The following ARHGAP21 variants were observed in gnomAD, a reference collection of about 807,000 sequenced individuals.
The protein encoded by ARHGAP21 is rho GTPase-activating protein 21.
In ARHGAP21, 38 loss-of-function variants were observed where a neutral mutation model predicts 164.6. The ratio of observed to expected loss-of-function variants is 0.23; its 90% confidence interval spans 0.18 to 0.30. ARHGAP21 has a LOEUF of 0.30. ARHGAP21 is among the 10% of genes least tolerant of loss of function. ARHGAP21 has a pLI of 1.00. For synonymous variants in ARHGAP21, 766 were observed against 857.9 expected (o/e 0.89, Z 1.87); for missense variants, 1,822 against 2,370.7 (o/e 0.77, Z 4.81).
intron 17 of ARHGAP21, 55 bp from the exon 18 acceptor site, chr10:24,596,098 G>T: frequency 1.4e-6 from 2 of 1,424,694 alleles, no homozygotes; most frequent in South Asian, 1.4e-5. Flanking sequence ...TTTAGTAGTT[G>T]TATATCACAG....
intron 2 of ARHGAP21, among the ~76,000 whole-genome samples, chr10:24,708,505 G>A (rs568057907): frequency 2.6e-4 from 40 of 152,172 alleles, no homozygotes; most frequent in Admixed American, 1.2e-3. Context: ...TGGTCAAGTT[G>A]GCTTTTCGTA....
Position 24,619,978 on chromosome 10 carries a change from G to A in ARHGAP21, c.1917C>T (p.Ser639=), listed in dbSNP as rs1416340154. 1 of 1,613,870 alleles carries A rather than the reference G, an allele frequency of 6.2e-7. No homozygotes were observed. Among genetic ancestry groups the A allele is most frequent in the African/African-American group, 1.3e-5 (1 of 74,910 alleles). Residue 639 remains serine (S), a synonymous_variant, in exon 9 of 26, where the codon AGC becomes AGT. Transcript: ENST00000396432. ...CTTTGATAGAAACAAATGATTTCTG[G>A]CTAAATGATGGTTTTGTGACATGCG... is the stretch of plus-strand genomic sequence containing the variant. ...PSTHVTKPSF[S]QKSFVSIKDQ...
Position 24,584,388 on chromosome 10 carries a change from T to G in ARHGAP21, c.*24A>C. The G allele has an allele frequency of 1.3e-6, 2 of 1,548,592 alleles. No individual in the cohort carries two copies. The highest frequency in any genetic ancestry group is 1.8e-4 in the Middle Eastern group (1 of 5,584). On this transcript the variant is annotated 3_prime_UTR_variant, in exon 26 of 26. Transcript: ENST00000396432. ...AACGTGTAACAGTAGTTTTTTTACT[T>G]GCTAGAGTGGACATACCCCCAGTTT...
At chr10:24,626,380 G>C (rs1020077006) in intron 7 of ARHGAP21, among the ~76,000 whole-genome samples, 18 of 152,128 alleles carry the variant, frequency 1.2e-4, no homozygotes, top group African/African-American at 4.3e-4. Context: ...GGGGCCTCTG[G>C]GAGATGATTA....
At chr10:24,669,847 A>G (rs1274179564) in intron 3 of ARHGAP21, among the ~76,000 whole-genome samples, 2 of 152,232 alleles carry the variant, frequency 1.3e-5, no homozygotes, top group African/African-American at 2.4e-5. Flanking sequence ...CTAATTTTCT[A>G]TAACTGCTAG....
chr10:24,652,770 G>A (rs536174979), intron 4 of ARHGAP21, among the ~76,000 whole-genome samples: 1 of 152,304 alleles, frequency 6.6e-6, no homozygotes, highest in South Asian at 2.1e-4. Context: ...AACAGCAAGT[G>A]TCAGTGAGGA....
intron 4 of ARHGAP21, among the ~76,000 whole-genome samples, chr10:24,646,752 T>A (rs983722722): frequency 3.9e-5 from 6 of 152,128 alleles, no homozygotes; most frequent in Non-Finnish European, 8.8e-5. Flanking sequence ...TCTAAAAAAA[T>A]TTTAATAATA....
chr10:24,680,395 T>A (rs1313377310), intron 2 of ARHGAP21, among the ~76,000 whole-genome samples: 1 of 152,184 alleles, frequency 6.6e-6, no homozygotes, highest in African/African-American at 2.4e-5. Context: ...CCCAAATATA[T>A]CCAAGTTTTC....
chr10:24,630,733 C>A (rs1423635359), intron 6 of ARHGAP21, among the ~76,000 whole-genome samples: 1 of 152,094 alleles, frequency 6.6e-6, no homozygotes, highest in Non-Finnish European at 1.5e-5. Flanking sequence ...CCTCAAGGGA[C>A]CTGCCCACTT....
chr10:24,617,138 A>G (rs1834028921), intron 9 of ARHGAP21, among the ~76,000 whole-genome samples: 1 of 152,216 alleles, frequency 6.6e-6, no homozygotes, highest in African/African-American at 2.4e-5. Flanking sequence ...CTTAGTAAAT[A>G]AAATTATTTA....
chr10:24,689,492 C>T (rs1002008248), intron 2 of ARHGAP21, among the ~76,000 whole-genome samples: 6 of 152,114 alleles, frequency 3.9e-5, no homozygotes, highest in African/African-American at 1.4e-4. Context: ...ATAATTCCAA[C>T]ACTTTGGGAG....
At chr10:24,676,305 G>C (rs1210097011) in intron 2 of ARHGAP21, among the ~76,000 whole-genome samples, 1 of 152,194 alleles carries the variant, frequency 6.6e-6, no homozygotes, top group Non-Finnish European at 1.5e-5. Context: ...TTTATTGTAG[G>C]TTCTGAGTGT....
chr10:24,607,331 GA>G lies in ARHGAP21; in HGVS notation c.2684+167del. 4.7e-6 allele frequency: 3 copies of G among 635,900 alleles called. No individual in the cohort carries two copies. The South Asian group carries it at 6.6e-5, about 14-fold the overall frequency. 39.4% of individuals were successfully genotyped at this position (635,900 alleles called of 1,614,324 possible). ...TTTTCTACCATGTTTGTGTGTTACT[GA>G]TTTTTAAAATTCAATTTAATGTTAC... is the stretch of plus-strand genomic sequence containing the variant. On this transcript the variant is annotated intron_variant, in intron 11 of 25. Coordinates refer to ENST00000396432, the MANE Select transcript of ARHGAP21 (RefSeq NM_020824.4).
intron 6 of ARHGAP21, 65 bp from the exon 7 acceptor site, chr10:24,630,115 A>C: frequency 6.1e-6 from 5 of 817,368 alleles, no homozygotes; most frequent in Non-Finnish European, 9.3e-6. Flanking sequence ...TTAATGGAAA[A>C]ACAGTTAACT....
At chr10:24,643,086 C>T (rs924770475) in intron 4 of ARHGAP21, among the ~76,000 whole-genome samples, 1 of 152,140 alleles carries the variant, frequency 6.6e-6, no homozygotes, top group Non-Finnish European at 1.5e-5. Context: ...AGGTGTCGGA[C>T]ATGAATCAAA....
chr10:24,638,524 T>C (rs935821233), intron 4 of ARHGAP21, among the ~76,000 whole-genome samples: 2 of 152,202 alleles, frequency 1.3e-5, no homozygotes, highest in African/African-American at 2.4e-5. Flanking sequence ...TGATCCCGAA[T>C]TGTGGTAATT....
intron 4 of ARHGAP21, 56 bp downstream of exon 4, chr10:24,666,929 C>T (rs12571182): frequency 8.6e-5 from 110 of 1,278,544 alleles, no homozygotes; most frequent in Non-Finnish European, 1.1e-4. Context: ...ACTTAAAGAA[C>T]AGAAAGAAAT....
At chr10:24,706,793 G>T (rs1405597576) in intron 2 of ARHGAP21, among the ~76,000 whole-genome samples, 1 of 152,336 alleles carries the variant, frequency 6.6e-6, no homozygotes, top group East Asian at 1.9e-4. Flanking sequence ...TAAATTATTA[G>T]ATCATGAAGG....
intron 7 of ARHGAP21, among the ~76,000 whole-genome samples, chr10:24,628,844 CACAT>C (rs1432818844): frequency 6.0e-5 from 8 of 133,300 alleles, no homozygotes; most frequent in Admixed American, 2.3e-4. Context: ...TACATATATA[CACAT>C]ACATATATAT....
Sources: gnomAD v4.1 joint callset for allele counts (sites outside exome capture counted in the v4.1 genomes callset) on GRCh38, gnomAD v4.1.1 for gene constraint, MANE v1.5 for transcripts, NCBI Gene and HGNC (gene_info 2026-07-23, HGNC 2026-07-21) for gene names.